Variants in NKAIN3 observed in about 807,000 individuals in gnomAD.
The protein encoded by NKAIN3 is sodium/potassium transporting ATPase interacting 3.
A neutral mutation model predicts 30.2 loss-of-function variants in NKAIN3; 25 were observed. That is an observed-to-expected ratio of 0.83 (90% CI 0.60 to 1.16). The LOEUF (loss-of-function observed/expected upper bound fraction) is 1.16, where lower values mean the gene tolerates loss of function less well. Ranked by LOEUF, NKAIN3 falls within the 50% of genes most tolerant of loss-of-function variation. NKAIN3 has a pLI of 0.00. For synonymous variants in NKAIN3, 91 were observed against 89.6 expected (o/e 1.02, Z -0.09); for missense variants, 225 against 254.1 (o/e 0.89, Z 0.78).
chr8:62,340,024 C>G (rs73684907), intron 1 of NKAIN3, among the ~76,000 whole-genome samples: 5,972 of 152,062 alleles, frequency 0.039, 427 homozygotes, highest in African/African-American at 0.14. Context: ...TCACAAGGGT[C>G]TAGCTGACAC....
At chr8:62,346,316 C>T (rs1816004851) in intron 1 of NKAIN3, among the ~76,000 whole-genome samples, 1 of 152,024 alleles carries the variant, frequency 6.6e-6, no homozygotes. Context: ...TGTATTGAAA[C>T]ATCACACTGT....
intron 1 of NKAIN3, chr8:62,483,631 ATCT>A (rs1251399295): frequency 3.2e-5 from 6 of 186,788 alleles, no homozygotes; most frequent in African/African-American, 1.2e-4. Flanking sequence ...TGAATGGGTA[ATCT>A]TCTCATAGGT....
intron 1 of NKAIN3, among the ~76,000 whole-genome samples, chr8:62,374,183 T>A (rs147406278): frequency 6.6e-6 from 1 of 151,358 alleles, no homozygotes; most frequent in East Asian, 1.9e-4. Flanking sequence ...GAAATTATAC[T>A]TCTTGACTTC....
At chr8:62,838,687 G>A (rs1819442469) in intron 4 of NKAIN3, among the ~76,000 whole-genome samples, 1 of 152,024 alleles carries the variant, frequency 6.6e-6, no homozygotes, top group Non-Finnish European at 1.5e-5. Context: ...TTAGGCATCA[G>A]CACTAAAAAC....
chr8:62,731,702 GC>G (rs1563536242), intron 3 of NKAIN3, among the ~76,000 whole-genome samples: 1 of 152,096 alleles, frequency 6.6e-6, no homozygotes, highest in Non-Finnish European at 1.5e-5. Flanking sequence ...AAAAGCCAGT[GC>G]CCTTTGGTGG....
At chr8:62,528,344 T>TATATATTATATAATATA (rs1563441534) in intron 1 of NKAIN3, among the ~76,000 whole-genome samples, 95 of 115,204 alleles carry the variant, frequency 8.2e-4, no homozygotes, top group South Asian at 2.2e-3. Flanking sequence ...TTATATAATA[T>TATATATTATATAATATA]ATATATATAT....
Position 62,967,305 on chromosome 8 carries a change from G to A in NKAIN3, c.*1898G>A, listed in dbSNP as rs903512213. Among the ~76,000 whole-genome samples the A allele has an allele frequency of 6.6e-5, 10 of 152,102 alleles. No individual in the cohort carries two copies. The highest frequency in any genetic ancestry group is 1.3e-4 in the Non-Finnish European group (9 of 68,032). Reference sequence around the variant, plus strand: ...GGGTCCCATCCACCACCATGTTCTTGGACAGTGTTTGCCATCTCTGCACTA... The same window carrying A: ...GGGTCCCATCCACCACCATGTTCTTAGACAGTGTTTGCCATCTCTGCACTA... On this transcript the variant is annotated 3_prime_UTR_variant, in exon 7 of 7. Coordinates refer to ENST00000623646, the MANE Select transcript of NKAIN3 (RefSeq NM_001304533.3).
At chr8:62,965,283 T>C (rs969769988) in intron 6 of NKAIN3, 71 bp from the exon 7 acceptor site, 2 of 985,522 alleles carry the variant, frequency 2.0e-6, no homozygotes, top group Non-Finnish European at 2.4e-6. Flanking sequence ...TCAAAAGGCC[T>C]CAATGAATAT....
intron 4 of NKAIN3, among the ~76,000 whole-genome samples, chr8:62,880,368 A>C (rs1482760857): frequency 2.0e-5 from 3 of 152,194 alleles, no homozygotes; most frequent in African/African-American, 7.2e-5. Context: ...ATGACTTAAC[A>C]GAAGACAGAT....
At chr8:62,863,153 T>C in intron 4 of NKAIN3, 1 of 1,507,074 alleles carries the variant, frequency 6.6e-7, no homozygotes, top group Non-Finnish European at 9.2e-7. Context: ...TCTTCTATTA[T>C]TTTCCTTTCG....
At chr8:62,500,954 G>A (rs1194857846) in intron 1 of NKAIN3, among the ~76,000 whole-genome samples, 1 of 152,066 alleles carries the variant, frequency 6.6e-6, no homozygotes, top group Non-Finnish European at 1.5e-5. Flanking sequence ...TAGGCCAAAT[G>A]TTCTTGCCAA....
Position 62,958,368 on chromosome 8 carries a change from G to C in NKAIN3, c.603+4396G>C, listed in dbSNP as rs1275005517. ...ACAGGTCAGGAGTCATCCGTGTTGGGTTTCAATATCTTACCACAACTGCTA... is the reference window on the plus strand; with the variant it reads ...ACAGGTCAGGAGTCATCCGTGTTGGCTTTCAATATCTTACCACAACTGCTA... On this transcript the variant is annotated intron_variant, in intron 6 of 6. Coordinates refer to ENST00000623646, the MANE Select transcript of NKAIN3 (RefSeq NM_001304533.3). 2.0e-5 allele frequency among the ~76,000 whole-genome samples: 3 copies of C among 151,980 alleles called. No homozygotes were observed. The East Asian group carries it at 5.8e-4, about 29-fold the overall frequency.
At chr8:62,986,500 A>G (rs1824202053), downstream of NKAIN3, among the ~76,000 whole-genome samples, 1 of 152,180 alleles carries the variant, frequency 6.6e-6, no homozygotes, top group Non-Finnish European at 1.5e-5. Flanking sequence ...CAGCCTCTCA[A>G]ACATGGTGCC....
chr8:62,808,315 G>A (rs1818370400), intron 4 of NKAIN3, among the ~76,000 whole-genome samples: 1 of 152,098 alleles, frequency 6.6e-6, no homozygotes, highest in Non-Finnish European at 1.5e-5. Context: ...TACTCCGAAT[G>A]TCTTTATTTC....
intron 1 of NKAIN3, among the ~76,000 whole-genome samples, chr8:62,323,913 G>T (rs1290586168): frequency 6.6e-6 from 1 of 151,994 alleles, no homozygotes; most frequent in African/African-American, 2.4e-5. Flanking sequence ...CAAATTAGGG[G>T]CACAATAAAA....
At chr8:62,249,243 T>A in intron 1 of NKAIN3, 116 bp downstream of exon 1, 1 of 828,558 alleles carries the variant, frequency 1.2e-6, no homozygotes, top group Non-Finnish European at 1.8e-6. Context: ...AACAGGGCGC[T>A]CCGCCCGCCT....
chr8:62,841,001 G>T (rs1466250114), intron 4 of NKAIN3, among the ~76,000 whole-genome samples: 1 of 152,090 alleles, frequency 6.6e-6, no homozygotes, highest in African/African-American at 2.4e-5. Flanking sequence ...ATCTACTGCA[G>T]CCAGGTCTTT....
At chr8:62,862,522 G>A (rs957340137) in intron 4 of NKAIN3, among the ~76,000 whole-genome samples, 4 of 151,720 alleles carry the variant, frequency 2.6e-5, no homozygotes, top group Admixed American at 2.6e-4. Context: ...CATTTTCAGG[G>A]ACAAAAAAAG....
intron 4 of NKAIN3, among the ~76,000 whole-genome samples, chr8:62,872,706 C>T (rs1032420709): frequency 6.6e-6 from 1 of 152,134 alleles, no homozygotes; most frequent in African/African-American, 2.4e-5. Context: ...TCCACATATG[C>T]CCTCAGTCAA....
Sources: allele counts gnomAD v4.1 joint callset (sites outside exome capture counted in the v4.1 genomes callset), GRCh38; gene constraint gnomAD v4.1.1; transcripts MANE v1.5; gene names NCBI Gene and HGNC (gene_info 2026-07-23, HGNC 2026-07-21).